The following ALMS1 variants were observed in gnomAD, a reference collection of about 807,000 sequenced individuals.
ALMS1 encodes the protein ALMS1 centrosome and basal body associated protein, also known as centrosome-associated protein ALMS1.
In ALMS1, 271 loss-of-function variants were observed where a neutral mutation model predicts 352.2. The ratio of observed to expected loss-of-function variants is 0.77; its 90% confidence interval spans 0.70 to 0.85. ALMS1 has a LOEUF of 0.85. Ranked by LOEUF, ALMS1 falls within the 40% of genes least tolerant of loss-of-function variation. The pLI, the probability that ALMS1 is intolerant of heterozygous loss-of-function variation, is 0.00. For synonymous variants in ALMS1, 1,865 were observed against 1,761.2 expected (o/e 1.06, Z -1.48); for missense variants, 5,445 against 4,870.7 (o/e 1.12, Z -3.51).
At chr2:73,599,549 T>C in intron 17 of ALMS1, 28 bp downstream of exon 17, 1 of 1,600,500 alleles carries the variant, frequency 6.2e-7, no homozygotes, top group Non-Finnish European at 8.6e-7. Context: ...AACTTTTTCA[T>C]TGAAATACAT....
intron 9 of ALMS1, among the ~76,000 whole-genome samples, chr2:73,473,540 C>T (rs1248838775): frequency 6.6e-6 from 1 of 151,968 alleles, no homozygotes; most frequent in Non-Finnish European, 1.5e-5. Context: ...AAAAGTGTGA[C>T]TCATTCAAAG....
chr2:73,572,185 A>G, intron 15 of ALMS1, 77 bp from the exon 16 acceptor site: 1 of 1,257,592 alleles, frequency 8.0e-7, no homozygotes, highest in South Asian at 1.4e-5. Flanking sequence ...TTCTGTATCT[A>G]AAGAATTGTG....
intron 16 of ALMS1, among the ~76,000 whole-genome samples, chr2:73,598,131 A>G (rs148926584): frequency 1.3e-5 from 2 of 152,318 alleles, no homozygotes; most frequent in East Asian, 3.9e-4. Context: ...ATCAGTTATG[A>G]TTCTATCAAC....
intron 12 of ALMS1, among the ~76,000 whole-genome samples, chr2:73,540,108 G>T (rs562259928): frequency 6.6e-6 from 1 of 152,282 alleles, no homozygotes; most frequent in African/African-American, 2.4e-5. Context: ...AAAATGTTAA[G>T]GGCAGCCAGA....
At chr2:73,585,094 G>A (rs1365061946) in intron 16 of ALMS1, among the ~76,000 whole-genome samples, 2 of 152,158 alleles carry the variant, frequency 1.3e-5, no homozygotes. Context: ...ACATGCATGT[G>A]CAAGTATCTT....
rs2103789892 is a variant in ALMS1 at position 73,452,905 on chromosome 2, A to T, written c.6378A>T (p.Gly2126=). The change falls in exon 8 of 23, where the codon GGA becomes GGT. Residue 2126 remains glycine (G), a synonymous_variant. Transcript: ENST00000613296. Reference sequence around the variant, plus strand: ...TGCTGAAGGTTTCAACAATTCCTGGACCAGCTGGCCAGAAAACAGTATTAC... The same window carrying T: ...TGCTGAAGGTTTCAACAATTCCTGGTCCAGCTGGCCAGAAAACAGTATTAC... ...EDVLKVSTIP[G]PAGQKTVLPT... is the part of the protein sequence containing the mutation. 1 of 1,613,888 alleles carries T rather than the reference A, an allele frequency of 6.2e-7. No individual in the cohort carries two copies.
Position 73,448,982 on chromosome 2 carries a change from G to T in ALMS1, c.2455G>T (p.Val819Phe). The T allele has an allele frequency of 1.2e-6, 2 of 1,613,474 alleles. No individual in the cohort carries two copies. The highest frequency in any genetic ancestry group is 1.7e-6 in the Non-Finnish European group (2 of 1,179,848). ...ATACTCACACAGAGAGAAGCTCCTT[G>T]TTTTCTACCAACAGGCCTTGCTGGA... ...SAYSHREKLL[V>F]FYQQALLDSH... Residue 819 changes from valine (V) to phenylalanine (F), a missense_variant, in exon 8 of 23, where the codon GTT becomes TTT. Physicochemically the swap from Val to Phe is conservative, Grantham distance 50. Transcript: ENST00000613296.
chr2:73,387,657 A>T (rs1278249964), intron 1 of ALMS1, among the ~76,000 whole-genome samples: 1 of 152,118 alleles, frequency 6.6e-6, no homozygotes, highest in Non-Finnish European at 1.5e-5. Context: ...TTATCTCTGG[A>T]GCTTTGGGGA....
At chr2:73,415,154 A>G (rs1671161271) in intron 2 of ALMS1, among the ~76,000 whole-genome samples, 1 of 152,134 alleles carries the variant, frequency 6.6e-6, no homozygotes. Flanking sequence ...GTCCCTCCCC[A>G]CATCTGTCAA....
At chr2:73,477,017 A>G (rs1672597708) in intron 9 of ALMS1, among the ~76,000 whole-genome samples, 1 of 152,108 alleles carries the variant, frequency 6.6e-6, no homozygotes, top group Admixed American at 6.6e-5. Context: ...TGTTAAGTGA[A>G]GACTTATTGT....
chr2:73,408,614 A>AT lies in ALMS1; in HGVS notation c.325-4dup, dbSNP rs759966816. 6.2e-7 allele frequency: 1 copy of AT among 1,612,240 alleles called. No homozygotes were observed. The highest frequency in any genetic ancestry group is 8.5e-7 in the Non-Finnish European group (1 of 1,178,960). On this transcript the variant is annotated splice_region_variant and splice_polypyrimidine_tract_variant and intron_variant, in intron 1 of 22. Coordinates refer to ENST00000613296, the MANE Select transcript of ALMS1 (RefSeq NM_001378454.1). ...ATTACTCTATTTAAGCCTGCTTTTG[A>AT]TTTTCAGATTGTTCCATTGACCTGT...
At chr2:73,392,412 A>G (rs185016970) in intron 1 of ALMS1, among the ~76,000 whole-genome samples, 1 of 152,030 alleles carries the variant, frequency 6.6e-6, no homozygotes, top group Admixed American at 6.6e-5. Context: ...CAATTCAGTC[A>G]TTTTCTGTAT....
chr2:73,394,611 A>T (rs959507048), intron 1 of ALMS1, among the ~76,000 whole-genome samples: 1 of 152,098 alleles, frequency 6.6e-6, no homozygotes, highest in Non-Finnish European at 1.5e-5. Flanking sequence ...TGGCCTCTCA[A>T]AGTGCTGGGA....
chr2:73,436,022 A>C (rs372195670), intron 7 of ALMS1, among the ~76,000 whole-genome samples: 11 of 152,220 alleles, frequency 7.2e-5, no homozygotes, highest in African/African-American at 2.2e-4. Context: ...TGTTACTACT[A>C]TCTGGTGTTA....
chr2:73,571,598 G>A (rs1334922613), intron 15 of ALMS1, among the ~76,000 whole-genome samples: 1 of 152,022 alleles, frequency 6.6e-6, no homozygotes, highest in African/African-American at 2.4e-5. Flanking sequence ...TGGGGATTAT[G>A]TTTCAACATG....
chr2:73,583,753 G>A (rs141737261), intron 16 of ALMS1, among the ~76,000 whole-genome samples: 286 of 152,270 alleles, frequency 1.9e-3, no homozygotes, highest in African/African-American at 5.7e-3. Flanking sequence ...TTCCCACTGA[G>A]TGGTCTTGGC....
At chr2:73,577,333 T>C (rs563020659) in intron 16 of ALMS1, among the ~76,000 whole-genome samples, 1 of 152,302 alleles carries the variant, frequency 6.6e-6, no homozygotes, top group South Asian at 2.1e-4. Flanking sequence ...GTCTTTTAAG[T>C]CTATTTAGAT....
intron 13 of ALMS1, among the ~76,000 whole-genome samples, chr2:73,555,756 G>A (rs1674528093): frequency 6.6e-6 from 1 of 152,054 alleles, no homozygotes; most frequent in South Asian, 2.1e-4. Flanking sequence ...ATAGGAAATA[G>A]CCTTAAGTTG....
intron 9 of ALMS1, among the ~76,000 whole-genome samples, chr2:73,481,054 T>G (rs1672692421): frequency 6.6e-6 from 1 of 151,672 alleles, no homozygotes; most frequent in African/African-American, 2.4e-5. Context: ...GTAGTTTCTT[T>G]TGCTGTGCAG....
Sources: allele counts gnomAD v4.1 joint callset (sites outside exome capture counted in the v4.1 genomes callset), GRCh38; gene constraint gnomAD v4.1.1; transcripts MANE v1.5; gene names NCBI Gene and HGNC (gene_info 2026-07-23, HGNC 2026-07-21).